The following TMEM268 variants were observed in gnomAD, a reference collection of about 807,000 sequenced individuals.
The protein encoded by TMEM268 is transmembrane protein 268.
TMEM268 carries 24 observed loss-of-function variants against 39.1 expected under a neutral mutation model. The observed-to-expected ratio is 0.61, with a 90% CI of 0.44 to 0.86. The LOEUF is 0.86. Ranked by LOEUF, TMEM268 falls within the 40% of genes least tolerant of loss-of-function variation. The pLI, the probability that TMEM268 is intolerant of heterozygous loss-of-function variation, is 0.00. For missense variants in TMEM268, 409 were observed against 428.6 expected, an observed-to-expected ratio of 0.95 and a Z score of 0.40; for synonymous variants, 176 against 173.5, an observed-to-expected ratio of 1.01 and a Z score of -0.12.
At chr9:114,627,137 C>T (rs949532788) in intron 4 of TMEM268, 131 bp downstream of exon 4, 75 of 609,862 alleles carry the variant, frequency 1.2e-4, no homozygotes, top group Middle Eastern at 2.7e-4. Context: ...TGCCTGGAAA[C>T]GAGCAGTACA....
At chr9:114,613,347 C>CAGCAG (rs1845579573) in intron 1 of TMEM268, among the ~76,000 whole-genome samples, 5 of 152,204 alleles carry the variant, frequency 3.3e-5, no homozygotes, top group African/African-American at 1.2e-4. Context: ...TGGGCATGGT[C>CAGCAG]CCTCGTGGCT....
intron 2 of TMEM268, among the ~76,000 whole-genome samples, chr9:114,620,367 C>T (rs968256872): frequency 6.6e-6 from 1 of 152,080 alleles, no homozygotes; most frequent in Non-Finnish European, 1.5e-5. Context: ...ACCCTAGTCT[C>T]CCGAGTAGCT....
rs191871578 is a variant in TMEM268, at chr9:114,619,781, A to G, written c.106+2480A>G. On this transcript the variant is annotated intron_variant, in intron 2 of 8. Transcript: ENST00000288502. ...ACCAAGCTTCGGGGGCTCTTGGAGG[A>G]TGAAATGAAATCATGAATGAAGCCC... Among the ~76,000 whole-genome samples, 19 of 152,262 alleles carry G rather than the reference A, an allele frequency of 1.2e-4. No homozygotes were observed. The East Asian group carries it at 3.3e-3, about 26-fold the overall frequency.
chr9:114,640,114 CT>C (rs11314395), intron 8 of TMEM268, among the ~76,000 whole-genome samples: 4,384 of 139,796 alleles, frequency 0.031, 103 homozygotes, highest in East Asian at 0.14. Context: ...ATCCTATTGA[CT>C]TTTTTTTTTT....
In TMEM268 at chr9:114,624,340, C is replaced by G. The variant is rs770748205; in HGVS notation, c.107-10C>G. 3 of 1,590,834 alleles carry G rather than the reference C, an allele frequency of 1.9e-6. No individual in the cohort carries two copies. Among genetic ancestry groups the G allele is most frequent in the Non-Finnish European group, 2.6e-6 (3 of 1,167,046 alleles). On this transcript the variant is annotated splice_polypyrimidine_tract_variant and intron_variant, in intron 2 of 8. Coordinates refer to ENST00000288502, the MANE Select transcript of TMEM268 (RefSeq NM_153045.4). ...CACTCAGCCAGATGAAGCTTCTGGT[C>G]TGCTTCCAGAGCTCCACAATGGCCA...
rs540092762 is a variant in TMEM268 at position 114,628,163 on chromosome 9, C to T, written c.387C>T (p.Asn129=). The change falls in exon 5 of 9, where the codon AAC becomes AAT. Residue 129 remains asparagine (N), a synonymous_variant. Coordinates refer to ENST00000288502, the MANE Select transcript of TMEM268 (RefSeq NM_153045.4). ...CCAGTCAGATGTTTGCCTTGGGGAA[C>T]CACTGGGCTGGCATGCTGCTCGTGA... is the stretch of plus-strand genomic sequence containing the variant. ...YSTSQMFALG[N]HWAGMLLVTL... 2 of 1,614,158 alleles carry T rather than the reference C, an allele frequency of 1.2e-6. No homozygotes were observed. Among genetic ancestry groups the T allele is most frequent in the Non-Finnish European group, 1.7e-6 (2 of 1,180,030 alleles).
rs146959036 is a variant in TMEM268 at position 114,627,301 on chromosome 9, G to T, written c.324+295G>T. The stretch of plus-strand genomic sequence containing the variant: ...GCTCTGGGCTCAATATCTGGCCTTG[G>T]CCAAGACTTTCCTCCTCTCCGGAAC... On this transcript the variant is annotated intron_variant, in intron 4 of 8. Transcript: ENST00000288502. Among the ~76,000 whole-genome samples, 376 of 152,300 alleles carry T rather than the reference G, an allele frequency of 2.5e-3. 2 individuals carry two copies. The highest frequency in any genetic ancestry group is 8.7e-3 in the African/African-American group (360 of 41,562).
At chr9:114,631,291 A>AAAAAAAAAAGG (rs1846386273) in intron 5 of TMEM268, among the ~76,000 whole-genome samples, 1 of 23,292 alleles carries the variant, frequency 4.3e-5, no homozygotes, top group Non-Finnish European at 1.5e-4. Context: ...TCAAAAAAAA[A>AAAAAAAAAAGG]AAAAAAAAAA....
At chr9:114,609,781 CAA>C (rs966499425), upstream of TMEM268, among the ~76,000 whole-genome samples, 36 of 138,456 alleles carry the variant, frequency 2.6e-4, no homozygotes, top group African/African-American at 6.5e-4. Flanking sequence ...GAAAAAGAAA[CAA>C]AGAGAGAAAG....
intron 2 of TMEM268, among the ~76,000 whole-genome samples, chr9:114,623,255 A>G (rs1481013149): frequency 2.0e-5 from 3 of 151,928 alleles, no homozygotes; most frequent in African/African-American, 4.8e-5. Flanking sequence ...GGTTCAAGCA[A>G]TTCTGCCTCA....
upstream of TMEM268, among the ~76,000 whole-genome samples, chr9:114,606,380 T>C (rs981111736): frequency 2.6e-5 from 4 of 152,222 alleles, no homozygotes; most frequent in African/African-American, 9.6e-5. Context: ...AGCACAGCTA[T>C]GTATTTAGTC....
At chr9:114,607,422 G>A (rs993664480), upstream of TMEM268, among the ~76,000 whole-genome samples, 7 of 152,104 alleles carry the variant, frequency 4.6e-5, no homozygotes, top group African/African-American at 1.7e-4. Context: ...TTGGGAGGCC[G>A]AGGCAGGTGT....
At chr9:114,604,411 C>T in the TMEM268 span, among the ~76,000 whole-genome samples, 1 of 151,852 alleles carries the variant, frequency 6.6e-6, no homozygotes, top group Non-Finnish European at 1.5e-5. Context: ...AACCCTGTCT[C>T]TACTGAAAAT....
intron 1 of TMEM268, among the ~76,000 whole-genome samples, chr9:114,616,040 G>A (rs1212375963): frequency 7.1e-6 from 1 of 139,914 alleles, no homozygotes; most frequent in African/African-American, 2.7e-5. Context: ...TTTTGAGACG[G>A]AGTCTTGCTC....
rs539922974 is a variant in TMEM268 at position 114,639,079 on chromosome 9, A to G, written c.849+353A>G. ...GTCTCAGTCAATCAATTATTTATTC[A>G]TCTATCCAACCATTCATCCATCTAC... On this transcript the variant is annotated intron_variant, in intron 8 of 8. Coordinates refer to ENST00000288502, the MANE Select transcript of TMEM268 (RefSeq NM_153045.4). Among the ~76,000 whole-genome samples the G allele has an allele frequency of 1.4e-4, 22 of 152,274 alleles. 1 individual carries two copies. The South Asian group carries it at 4.4e-3, about 30-fold the overall frequency.
chr9:114,616,514 C>T (rs1845719970), intron 1 of TMEM268, among the ~76,000 whole-genome samples: 1 of 151,926 alleles, frequency 6.6e-6, no homozygotes, highest in Non-Finnish European at 1.5e-5. Flanking sequence ...TACAAGTGTG[C>T]ACCACCACAC....
intron 5 of TMEM268, among the ~76,000 whole-genome samples, chr9:114,632,948 G>A (rs1846463668): frequency 6.6e-6 from 1 of 152,146 alleles, no homozygotes; most frequent in South Asian, 2.1e-4. Context: ...AGGGCTGTCT[G>A]ACACTATTGA....
rs111432053 is a variant in TMEM268 at position 114,624,755 on chromosome 9, G to A, written c.216+296G>A. Among the ~76,000 whole-genome samples, 1,346 of 152,334 alleles carry A rather than the reference G, an allele frequency of 8.8e-3. 21 individuals carry two copies. The highest frequency in any genetic ancestry group is 0.031 in the African/African-American group (1,288 of 41,570). Reference sequence around the variant, plus strand: ...ACAGATCCCAGCGGGGAAGATGGACGTGTGTGGGAGAAATTGGGACAGTAT... The same window carrying A: ...ACAGATCCCAGCGGGGAAGATGGACATGTGTGGGAGAAATTGGGACAGTAT... On this transcript the variant is annotated intron_variant, in intron 3 of 8. Transcript: ENST00000288502.
chr9:114,618,604 G>A (rs118035301), intron 2 of TMEM268, among the ~76,000 whole-genome samples: 1,845 of 151,760 alleles, frequency 0.012, 64 homozygotes, highest in East Asian at 0.098. Context: ...CAGAGGTTGC[G>A]GTGAGCCGAG....
Sources: allele counts gnomAD v4.1 joint callset (sites outside exome capture counted in the v4.1 genomes callset), GRCh38; gene constraint gnomAD v4.1.1; transcripts MANE v1.5; gene names NCBI Gene and HGNC (gene_info 2026-07-23, HGNC 2026-07-21).